The following UBR1 variants were observed in gnomAD, a reference collection of about 807,000 sequenced individuals.
The protein encoded by UBR1 is E3 ubiquitin-protein ligase UBR1.
A neutral mutation model predicts 242.1 loss-of-function variants in UBR1; 102 were observed. The observed-to-expected ratio is 0.42, with a 90% CI of 0.36 to 0.50. UBR1 has a LOEUF of 0.50. Ranked by LOEUF, UBR1 falls within the 20% of genes least tolerant of loss-of-function variation. The probability of loss-of-function intolerance (pLI) is 0.01; values close to 1 mark genes in which losing one functional copy is unlikely to be tolerated. For missense variants in UBR1, 1,772 were observed against 2,101.8 expected (o/e 0.84, Z 3.07); for synonymous variants, 675 against 684.8 (o/e 0.99, Z 0.22).
intron 44 of UBR1, 50 bp from the exon 45 acceptor site, chr15:42,952,498 CA>C (rs1437333491): frequency 6.3e-7 from 1 of 1,594,726 alleles, no homozygotes; most frequent in African/African-American, 1.3e-5. Context: ...CAAAACAAAA[CA>C]AATAAGTACC....
intron 6 of UBR1, among the ~76,000 whole-genome samples, chr15:43,060,468 T>C (rs1341455486): frequency 6.6e-6 from 1 of 152,196 alleles, no homozygotes; most frequent in East Asian, 1.9e-4. Flanking sequence ...CATGAATGAA[T>C]TCACAGCTCT....
chr15:42,995,964 C>T (rs2032631652), intron 33 of UBR1, among the ~76,000 whole-genome samples: 1 of 152,196 alleles, frequency 6.6e-6, no homozygotes, highest in South Asian at 2.1e-4. Context: ...CACTGTTCCC[C>T]ACTGTGTACT....
intron 29 of UBR1, among the ~76,000 whole-genome samples, chr15:43,010,406 A>C (rs1035914856): frequency 6.6e-6 from 1 of 152,200 alleles, no homozygotes; most frequent in African/African-American, 2.4e-5. Context: ...ATAGATTTCC[A>C]AGACATACTA....
rs369624280 is a variant in UBR1, at chr15:43,002,608, A to C, written c.3606T>G (p.Ser1202=). The part of the protein sequence containing the change: ...SGEYLCPLCK[S]LCNTVIPIIP... ...TAATGGGGATCACAGTATTGCACAG[A>C]GATTTGCAAAGAGGGCAAAGATATT... The change falls in exon 32 of 47, where the codon TCT becomes TCG. Residue 1202 remains serine, a synonymous_variant. Coordinates refer to ENST00000290650, the MANE Select transcript of UBR1 (RefSeq NM_174916.3). The C allele has an allele frequency of 1.1e-5, 18 of 1,614,064 alleles. No individual in the cohort carries two copies. The highest frequency in any genetic ancestry group is 1.5e-5 in the Non-Finnish European group (18 of 1,180,036).
In UBR1 at chr15:42,944,706, T is replaced by C. The variant is rs1237928630; in HGVS notation, c.*623A>G. 3 of 156,264 alleles carry C rather than the reference T, an allele frequency of 1.9e-5. No individual in the cohort carries two copies. The East Asian group carries it at 5.7e-4, about 30-fold the overall frequency. 9.7% of individuals were successfully genotyped at this position (156,264 alleles called of 1,614,324 possible). On this transcript the variant is annotated 3_prime_UTR_variant, in exon 47 of 47. Coordinates refer to ENST00000290650, the MANE Select transcript of UBR1 (RefSeq NM_174916.3). ...CATTACCCTAACTTTTCTTGAGGCC[T>C]ACAGTGAGAAAAAAGCTTTTCCATA...
At chr15:43,047,784 C>A (rs111637015) in intron 13 of UBR1, among the ~76,000 whole-genome samples, 5 of 152,226 alleles carry the variant, frequency 3.3e-5, no homozygotes, top group African/African-American at 1.2e-4. Context: ...ATGCAAGTAA[C>A]CCTTACATGT....
chr15:43,077,665 G>GAAAAAAAAAAAA (rs1180854436), intron 3 of UBR1, among the ~76,000 whole-genome samples: 1 of 126,850 alleles, frequency 7.9e-6, no homozygotes, highest in African/African-American at 2.9e-5. Flanking sequence ...AAAAATCTGA[G>GAAAAAAAAAAAA]AAAAAAAAAA....
chr15:43,025,762 A>G (rs932507498), intron 23 of UBR1: 3 of 250,960 alleles, frequency 1.2e-5, no homozygotes, highest in Non-Finnish European at 2.3e-5. Flanking sequence ...CTAACTGATC[A>G]AACTTAACAT....
chr15:43,029,118 C>G (rs2141309471), intron 21 of UBR1, among the ~76,000 whole-genome samples: 1 of 152,152 alleles, frequency 6.6e-6, no homozygotes, highest in East Asian at 1.9e-4. Flanking sequence ...AACAAATACA[C>G]ACACACGCAC....
intron 10 of UBR1, 77 bp from the exon 11 acceptor site, chr15:43,056,519 G>A (rs1028619982): frequency 5.1e-6 from 5 of 971,844 alleles, no homozygotes; most frequent in Non-Finnish European, 8.1e-6. Flanking sequence ...AATAACTGCT[G>A]CAGGTTTGTT....
chr15:43,050,297 T>A (rs1794439455), intron 12 of UBR1, among the ~76,000 whole-genome samples: 1 of 152,020 alleles, frequency 6.6e-6, no homozygotes, highest in Admixed American at 6.6e-5. Context: ...AAGGAAACTA[T>A]CAACAGAGTG....
At chr15:43,089,250 T>C (rs1460642520) in intron 1 of UBR1, among the ~76,000 whole-genome samples, 1 of 151,864 alleles carries the variant, frequency 6.6e-6, no homozygotes, top group Non-Finnish European at 1.5e-5. Context: ...CCCAGCACTT[T>C]GGGAGGCCGA....
intron 12 of UBR1, among the ~76,000 whole-genome samples, 165 bp downstream of exon 12, chr15:43,054,577 A>C (rs2033593920): frequency 6.6e-6 from 1 of 152,218 alleles, no homozygotes; most frequent in Admixed American, 6.5e-5. Flanking sequence ...AGAAGCCTTC[A>C]CTGAAGACAT....
In UBR1 at chr15:42,976,737, A is replaced by G. The variant is rs756125307; in HGVS notation, c.4349T>C (p.Ile1450Thr). Residue 1450 changes from isoleucine (I) to threonine (T), a missense_variant, in exon 39 of 47, where the codon ATA (isoleucine) becomes ACA (threonine). By Grantham distance (89) the Ile-to-Thr change is moderately conservative. Around this residue, in one of 3 missense-constraint regions of UBR1, gnomAD observed 965 missense variants for 1,079.7 expected, o/e 0.89. Transcript: ENST00000290650. ...CTTACCTGTGTCTACTGTAAGTAGT[A>G]TCTGAAGCATGTGTGCCATGGTGAT... ...HLITMAHMLQ[I>T]LLTVDTGLPL... 1.9e-5 allele frequency: 30 copies of G among 1,614,000 alleles called. No individual in the cohort carries two copies. The highest frequency in any genetic ancestry group is 2.2e-5 in the East Asian group (1 of 44,870).
chr15:43,014,378 G>A (rs2032976491), intron 29 of UBR1, among the ~76,000 whole-genome samples: 1 of 151,354 alleles, frequency 6.6e-6, no homozygotes. Flanking sequence ...CTGCCTGGCT[G>A]CCCAGTCTGG....
chr15:43,100,375 C>T (rs1037566297), intron 1 of UBR1, among the ~76,000 whole-genome samples: 4 of 152,126 alleles, frequency 2.6e-5, no homozygotes, highest in East Asian at 1.9e-4. Context: ...AGCCTGGACT[C>T]GAAGGTTAGC....
chr15:43,073,133 C>A (rs968432731), intron 4 of UBR1, among the ~76,000 whole-genome samples: 2 of 152,022 alleles, frequency 1.3e-5, no homozygotes, highest in African/African-American at 4.8e-5. Flanking sequence ...TGTACTTCAG[C>A]CTGGGCGACT....
chr15:43,075,970 C>CCTCTCT (rs2033884892), intron 3 of UBR1, among the ~76,000 whole-genome samples: 2 of 152,190 alleles, frequency 1.3e-5, no homozygotes, highest in Admixed American at 6.5e-5. Context: ...TCTCCCTCTC[C>CCTCTCT]CTCTCCCTCT....
intron 37 of UBR1, among the ~76,000 whole-genome samples, chr15:42,980,579 C>CCTAT (rs555859695): frequency 2.0e-5 from 3 of 151,672 alleles, no homozygotes; most frequent in Admixed American, 6.6e-5. Context: ...CATTGTATGT[C>CCTAT]CTATCTATCT....
Sources: allele counts gnomAD v4.1 joint callset (sites outside exome capture counted in the v4.1 genomes callset), GRCh38; gene constraint gnomAD v4.1.1; regional missense constraint gnomAD v4.1.1; transcripts MANE v1.5; gene names NCBI Gene and HGNC (gene_info 2026-07-23, HGNC 2026-07-21).